Variants in LYPD6B observed in about 807,000 individuals in gnomAD.
The protein encoded by LYPD6B is LY6/PLAUR domain containing 6B, also known as ly6/PLAUR domain-containing protein 6B.
LYPD6B carries 17 observed loss-of-function variants against 22.8 expected under a neutral mutation model. The observed-to-expected ratio is 0.75, with a 90% CI of 0.51 to 1.12. The LOEUF (loss-of-function observed/expected upper bound fraction) is 1.12, where lower values mean the gene tolerates loss of function less well. LYPD6B is among the 50% of genes most tolerant of loss of function. The pLI is 0.00. For synonymous variants in LYPD6B, 106 were observed against 91.6 expected, an observed-to-expected ratio of 1.16 and a Z score of -0.90; for missense variants, 221 against 258.3, an observed-to-expected ratio of 0.86 and a Z score of 0.99.
At chr2:149,045,836 A>G (rs1683281172) in intron 1 of LYPD6B, among the ~76,000 whole-genome samples, 1 of 152,108 alleles carries the variant, frequency 6.6e-6, no homozygotes, top group Non-Finnish European at 1.5e-5. Flanking sequence ...GTGAATTTCA[A>G]TGCACACTTG....
intron 3 of LYPD6B, among the ~76,000 whole-genome samples, chr2:149,178,293 T>C (rs1691462662): frequency 6.6e-6 from 1 of 152,220 alleles, no homozygotes; most frequent in South Asian, 2.1e-4. Context: ...CATCCAATAA[T>C]GTCAGGGCTT....
intron 3 of LYPD6B, among the ~76,000 whole-genome samples, chr2:149,195,269 G>A (rs1022793189): frequency 6.6e-6 from 1 of 152,180 alleles, no homozygotes; most frequent in Non-Finnish European, 1.5e-5. Flanking sequence ...CAAACTCCAA[G>A]CTTTCTTCAG....
chr2:149,144,793 G>A, intron 2 of LYPD6B, among the ~76,000 whole-genome samples: 1 of 152,198 alleles, frequency 6.6e-6, no homozygotes, highest in Non-Finnish European at 1.5e-5. Context: ...CAGAAGAGGA[G>A]ATACTATAGG....
At chr2:149,141,994 A>G (rs1688721692) in intron 2 of LYPD6B, 1 of 152,184 alleles carries the variant, frequency 6.6e-6, no homozygotes, top group Non-Finnish European at 1.5e-5. Flanking sequence ...GAATTCTCAC[A>G]CCTGTACGGT....
chr2:149,187,510 T>C lies in LYPD6B; in HGVS notation c.78-17743T>C, dbSNP rs773376423. ...CAGAAGAGATATTTTCAGCTGAATA[T>C]TGGAAAGTAAGATTCCCTGCGAGCA... On this transcript the variant is annotated intron_variant, in intron 3 of 6. Coordinates refer to ENST00000409642, the MANE Select transcript of LYPD6B (RefSeq NM_177964.5). 2.7e-6 allele frequency: 4 copies of C among 1,503,106 alleles called. No individual in the cohort carries two copies. In the African/African-American group the frequency reaches 5.7e-5, roughly 21 times the overall value. 93.1% of individuals were successfully genotyped at this position (1,503,106 alleles called of 1,614,324 possible). A position where few individuals can be genotyped will look rare whatever the true frequency, so the allele number is the denominator to read the frequency against.
intron 1 of LYPD6B, among the ~76,000 whole-genome samples, chr2:149,065,846 C>A (rs1476359509): frequency 6.6e-6 from 1 of 152,138 alleles, no homozygotes; most frequent in Non-Finnish European, 1.5e-5. Context: ...GTAGCTGGGA[C>A]TACAGGGGCA....
At chr2:149,177,904 CTTA>C (rs1691436061) in intron 3 of LYPD6B, among the ~76,000 whole-genome samples, 1 of 148,636 alleles carries the variant, frequency 6.7e-6, no homozygotes, top group Non-Finnish European at 1.5e-5. Flanking sequence ...TTATTGAGCA[CTTA>C]TTATATGCTA....
intron 2 of LYPD6B, among the ~76,000 whole-genome samples, chr2:149,143,098 T>C (rs1173651581): frequency 6.6e-6 from 1 of 152,206 alleles, no homozygotes; most frequent in African/African-American, 2.4e-5. Flanking sequence ...GCATAATCAT[T>C]CAGATTTCCT....
At chr2:149,056,327 A>T (rs1683789793) in intron 1 of LYPD6B, among the ~76,000 whole-genome samples, 1 of 152,126 alleles carries the variant, frequency 6.6e-6, no homozygotes, top group Non-Finnish European at 1.5e-5. Context: ...CAGGGTGCTC[A>T]TGGAGGGGAG....
intron 1 of LYPD6B, among the ~76,000 whole-genome samples, chr2:149,069,863 G>A (rs866823107): frequency 1.3e-5 from 2 of 151,598 alleles, no homozygotes; most frequent in African/African-American, 2.4e-5. Flanking sequence ...ATTAATAGAA[G>A]CTTAAGAGCT....
intron 2 of LYPD6B, among the ~76,000 whole-genome samples, chr2:149,157,935 G>A (rs911402950): frequency 6.6e-6 from 1 of 152,116 alleles, no homozygotes; most frequent in Admixed American, 6.6e-5. Context: ...TCACTGGGTC[G>A]GGGGTCAGGA....
At chr2:149,095,930 A>T (rs1685884127) in intron 1 of LYPD6B, among the ~76,000 whole-genome samples, 1 of 151,880 alleles carries the variant, frequency 6.6e-6, no homozygotes, top group African/African-American at 2.4e-5. Flanking sequence ...AGACAGAGAG[A>T]GGGACAGAGA....
At chr2:149,088,972 A>G (rs1685522732) in intron 1 of LYPD6B, among the ~76,000 whole-genome samples, 1 of 152,156 alleles carries the variant, frequency 6.6e-6, no homozygotes, top group African/African-American at 2.4e-5. Flanking sequence ...CAGAGCTACC[A>G]CATACTTCCT....
At chr2:149,159,591 T>C (rs989053143) in intron 2 of LYPD6B, among the ~76,000 whole-genome samples, 1 of 29,110 alleles carries the variant, frequency 3.4e-5, no homozygotes, top group Non-Finnish European at 8.9e-5. Context: ...TATGTGTGCG[T>C]GTGTGTGTGT....
rs1055084417 is a variant in LYPD6B, at chr2:149,205,500, A to G, written c.229+96A>G. ...CATTTATTGTAACTTCGTCTTTCCC[A>G]GAACATTTGTTTTATCCCTAGAATA... On this transcript the variant is annotated intron_variant, in intron 4 of 6. Coordinates refer to ENST00000409642, the MANE Select transcript of LYPD6B (RefSeq NM_177964.5). The G allele has an allele frequency of 3.8e-6, 5 of 1,317,792 alleles. No individual in the cohort carries two copies. The African/African-American group carries it at 5.9e-5, about 16-fold the overall frequency. The allele number at this position is 1,317,792 out of a possible 1,614,324, so 81.6% of individuals were successfully genotyped here.
rs572904786 is a variant in LYPD6B at position 149,048,258 on chromosome 2, C to T, written c.-67+9457C>T. 2.6e-5 allele frequency among the ~76,000 whole-genome samples: 4 copies of T among 152,152 alleles called. No individual in the cohort carries two copies. The East Asian group carries it at 5.8e-4, about 22-fold the overall frequency. On this transcript the variant is annotated intron_variant, in intron 1 of 6. Coordinates refer to ENST00000409642, the MANE Select transcript of LYPD6B (RefSeq NM_177964.5). ...GCTTTATGCATGGGAATGGGCACGC[C>T]GTTCTCTTTTTACCAGGCCTTTAGT... is the stretch of plus-strand genomic sequence containing the variant.
chr2:149,042,386 C>T (rs543287890), intron 1 of LYPD6B, among the ~76,000 whole-genome samples: 3 of 152,154 alleles, frequency 2.0e-5, no homozygotes, highest in Non-Finnish European at 2.9e-5. Flanking sequence ...CCAAGGATGC[C>T]GCTTCTCATG....
At chr2:149,187,309 T>C (rs1272455830) in intron 3 of LYPD6B, 17 of 1,080,078 alleles carry the variant, frequency 1.6e-5, no homozygotes, top group Non-Finnish European at 2.1e-5. Context: ...AATAATGCAC[T>C]AAATGAAGTG....
intron 2 of LYPD6B, among the ~76,000 whole-genome samples, chr2:149,147,057 A>G (rs1689070089): frequency 6.6e-6 from 1 of 152,144 alleles, no homozygotes; most frequent in Non-Finnish European, 1.5e-5. Context: ...CTAAGACTCC[A>G]GGGCGGAGAA....
Sources: gnomAD v4.1 joint callset for allele counts (sites outside exome capture counted in the v4.1 genomes callset) on GRCh38, gnomAD v4.1.1 for gene constraint, MANE v1.5 for transcripts, NCBI Gene and HGNC (gene_info 2026-07-23, HGNC 2026-07-21) for gene names.